The following UBR7 variants were observed in gnomAD, a reference collection of about 807,000 sequenced individuals.
The protein encoded by UBR7 is putative E3 ubiquitin-protein ligase UBR7.
A neutral mutation model predicts 57.0 loss-of-function variants in UBR7; 22 were observed. The ratio of observed to expected loss-of-function variants is 0.39; its 90% confidence interval spans 0.28 to 0.55. The LOEUF (loss-of-function observed/expected upper bound fraction) is 0.55, where lower values mean the gene tolerates loss of function less well. Among genes scored for constraint, UBR7 ranks in the 20% least tolerant of loss-of-function variants. The pLI, the probability that UBR7 is intolerant of heterozygous loss-of-function variation, is 0.69. For missense variants in UBR7, 395 were observed against 513.2 expected (o/e 0.77, Z 2.23); for synonymous variants, 167 against 179.8 (o/e 0.93, Z 0.57).
intron 9 of UBR7, among the ~76,000 whole-genome samples, chr14:93,221,112 ATTT>A (rs1160957010): frequency 2.2e-5 from 3 of 136,850 alleles, no homozygotes; most frequent in Admixed American, 7.3e-5. Context: ...CGCCCCCCCA[ATTT>A]TTTTTTTTTT....
chr14:93,225,093 T>C (rs1196406378), intron 10 of UBR7, among the ~76,000 whole-genome samples: 1 of 152,174 alleles, frequency 6.6e-6, no homozygotes, highest in African/African-American at 2.4e-5. Context: ...GAGAGAATTT[T>C]TTATCTGACC....
rs190652544 is a variant in UBR7 at position 93,228,553 on chromosome 14, A to G, written c.*1518A>G. On this transcript the variant is annotated 3_prime_UTR_variant, in exon 11 of 11. Coordinates refer to ENST00000013070, the MANE Select transcript of UBR7 (RefSeq NM_175748.4). ...GGCACAACCATGTTCTTCGGCACTCAGGCTCCTAATTGCAGATCCTCACGA... is the reference window on the plus strand; with the variant it reads ...GGCACAACCATGTTCTTCGGCACTCGGGCTCCTAATTGCAGATCCTCACGA... 7.9e-5 allele frequency: 36 copies of G among 454,080 alleles called. No homozygotes were observed. The highest frequency in any genetic ancestry group is 1.4e-4 in the Non-Finnish European group (31 of 226,780). The allele number at this position is 454,080 out of a possible 1,614,324, so 28.1% of individuals were successfully genotyped here. A position where few individuals can be genotyped will look rare whatever the true frequency, so the allele number is the denominator to read the frequency against.
chr14:93,221,403 C>T (rs985962891), intron 9 of UBR7, among the ~76,000 whole-genome samples: 12 of 151,298 alleles, frequency 7.9e-5, no homozygotes, highest in African/African-American at 2.7e-4. Flanking sequence ...CATGAGCCAC[C>T]ATGCCCAGTC....
In UBR7 at chr14:93,218,564, G is replaced by C. The variant is rs754006079; in HGVS notation, c.639G>C (p.Arg213=). The C allele has an allele frequency of 5.6e-6, 9 of 1,614,136 alleles. No homozygotes were observed. In the South Asian group the frequency reaches 9.9e-5, roughly 18 times the overall value. Residue 213 remains arginine, a synonymous_variant, in exon 7 of 11, where the codon CGG becomes CGC. Transcript: ENST00000013070. ...CCACTGAGGATGATGGATTGGTGCG[G>C]AACATTGATGGAATAGGTGATCAGG... ...KISTEDDGLV[R]NIDGIGDQEV...
rs552312747 is a variant in UBR7, at chr14:93,224,214, C to T, written c.1185+1840C>T. On this transcript the variant is annotated intron_variant, in intron 10 of 10. Coordinates refer to ENST00000013070, the MANE Select transcript of UBR7 (RefSeq NM_175748.4). ...TTCTTTGTCATAGATGTGGGAAGAA[C>T]ATTTAACTGCCTGAATTTCTGGACA... 7 of 513,746 alleles carry T rather than the reference C, an allele frequency of 1.4e-5. No individual in the cohort carries two copies. The African/African-American group carries it at 1.4e-4, about 10-fold the overall frequency. The allele number at this position is 513,746 out of a possible 1,614,324, so 31.8% of individuals were successfully genotyped here. A position where few individuals can be genotyped will look rare whatever the true frequency, so the allele number is the denominator to read the frequency against.
chr14:93,208,473 A>G (rs529889074), intron 1 of UBR7, among the ~76,000 whole-genome samples: 81 of 152,180 alleles, frequency 5.3e-4, no homozygotes, highest in African/African-American at 1.8e-3. Context: ...CTTAAAAAAA[A>G]AAAAAAGAAA....
chr14:93,225,530 G>A (rs1435271310), intron 10 of UBR7, among the ~76,000 whole-genome samples: 1 of 151,970 alleles, frequency 6.6e-6, no homozygotes, highest in Non-Finnish European at 1.5e-5. Context: ...CTACTTGGGA[G>A]GCTGAGATCG....
chr14:93,215,311 C>T, intron 6 of UBR7, 30 bp downstream of exon 6: 1 of 1,525,966 alleles, frequency 6.6e-7, no homozygotes, highest in Non-Finnish European at 8.9e-7. Flanking sequence ...TGGTGTGCCA[C>T]AAACTTGTGC....
chr14:93,228,073 T>C lies in UBR7; in HGVS notation c.*1038T>C, dbSNP rs894915269. The C allele has an allele frequency of 1.6e-5, 11 of 690,066 alleles. No homozygotes were observed. Among genetic ancestry groups the C allele is most frequent in the Non-Finnish European group, 2.9e-5 (11 of 378,742 alleles). The allele number at this position is 690,066 out of a possible 1,614,324, so 42.7% of individuals were successfully genotyped here. On this transcript the variant is annotated 3_prime_UTR_variant, in exon 11 of 11. Transcript: ENST00000013070. ...GAAATAAGCAGGGCAGGGAGCCCTG[T>C]TTTGGAAGAGACAGACTGTGGAAGA... is the stretch of plus-strand genomic sequence containing the variant.
chr14:93,227,485 C>A lies in UBR7; in HGVS notation c.*450C>A, dbSNP rs11621915. On this transcript the variant is annotated 3_prime_UTR_variant, in exon 11 of 11. Transcript: ENST00000013070. ...CTACAGGTCCCCTCGCCCCTATGAT[C>A]GTGGTGCCTTGGGTCAAAGCTTCCT... 5 of 693,622 alleles carry A rather than the reference C, an allele frequency of 7.2e-6. No individual in the cohort carries two copies. Among genetic ancestry groups the A allele is most frequent in the Non-Finnish European group, 1.0e-5 (4 of 381,050 alleles). 43.0% of individuals were successfully genotyped at this position (693,622 alleles called of 1,614,324 possible). A position where few individuals can be genotyped will look rare whatever the true frequency, so the allele number is the denominator to read the frequency against.
intron 4 of UBR7, among the ~76,000 whole-genome samples, chr14:93,212,509 A>G (rs557627328): frequency 1.3e-5 from 2 of 152,332 alleles, no homozygotes; most frequent in South Asian, 4.1e-4. Context: ...TGAGAAGTAT[A>G]TGCAAAATTC....
intron 6 of UBR7, among the ~76,000 whole-genome samples, chr14:93,217,000 C>G (rs1018605691): frequency 5.3e-5 from 8 of 152,056 alleles, no homozygotes; most frequent in Non-Finnish European, 1.2e-4. Context: ...AGATGCTGAA[C>G]CTATCTATGT....
chr14:93,225,327 C>CA (rs146140327), intron 10 of UBR7, among the ~76,000 whole-genome samples: 8,441 of 146,624 alleles, frequency 0.058, 312 homozygotes, highest in African/African-American at 0.11. Context: ...AAACAAAAAC[C>CA]AAAAAAAAAA....
rs1040847615 is a variant in UBR7 at position 93,212,060 on chromosome 14, A to T, written c.374A>T (p.Lys125Met). 6 of 1,613,180 alleles carry T rather than the reference A, an allele frequency of 3.7e-6. No individual in the cohort carries two copies. Among genetic ancestry groups the T allele is most frequent in the Non-Finnish European group, 4.2e-6 (5 of 1,179,504 alleles). ...PDKAKVNSGN[K>M]YNDNFFGLYC... Reference sequence around the variant, plus strand: ...AAAGCAAAGGTAAATTCTGGCAATAAGTACAATGACAACTTTTTTGGATTG... The same window carrying T: ...AAAGCAAAGGTAAATTCTGGCAATATGTACAATGACAACTTTTTTGGATTG... Residue 125 changes from lysine to methionine, a missense_variant, in exon 4 of 11, where the codon AAG (lysine) becomes ATG (methionine). Coordinates refer to ENST00000013070, the MANE Select transcript of UBR7 (RefSeq NM_175748.4).
At chr14:93,223,493 C>A in intron 10 of UBR7, 1 of 555,880 alleles carries the variant, frequency 1.8e-6, no homozygotes, top group South Asian at 2.1e-5. Context: ...TAGAAGATGT[C>A]ATCTCTGTCT....
At chr14:93,213,091 T>G (rs750295106) in intron 4 of UBR7, among the ~76,000 whole-genome samples, 1 of 152,042 alleles carries the variant, frequency 6.6e-6, no homozygotes, top group African/African-American at 2.4e-5. Context: ...TAAGCTGGGA[T>G]TGCGGCACTG....
chr14:93,209,746 A>AT lies in UBR7; in HGVS notation c.151-73dup, dbSNP rs2140097489. ...GACCACAGATAATCTGATTTTAATT[A>AT]TTTTTCAGTTCCTAGTGTGGGTATT... On this transcript the variant is annotated intron_variant, in intron 1 of 10. Coordinates refer to ENST00000013070, the MANE Select transcript of UBR7 (RefSeq NM_175748.4). The AT allele has an allele frequency of 5.2e-6, 8 of 1,525,434 alleles. No individual in the cohort carries two copies. In the South Asian group the frequency reaches 9.4e-5, roughly 18 times the overall value. 94.5% of individuals were successfully genotyped at this position (1,525,434 alleles called of 1,614,324 possible).
At chr14:93,226,718 G>A (rs998980514) in intron 10 of UBR7, among the ~76,000 whole-genome samples, 14 of 151,268 alleles carry the variant, frequency 9.3e-5, no homozygotes, top group African/African-American at 1.7e-4. Flanking sequence ...GTGTTAACCC[G>A]GGAGGCAGAG....
At chr14:93,214,106 T>TA (rs1172081753) in intron 4 of UBR7, among the ~76,000 whole-genome samples, 1 of 152,166 alleles carries the variant, frequency 6.6e-6, no homozygotes, top group Non-Finnish European at 1.5e-5. Context: ...TGTGTATTTT[T>TA]AGTAGAGACA....
Sources: allele counts gnomAD v4.1 joint callset (sites outside exome capture counted in the v4.1 genomes callset), GRCh38; gene constraint gnomAD v4.1.1; transcripts MANE v1.5; gene names NCBI Gene and HGNC (gene_info 2026-07-23, HGNC 2026-07-21).